Variants in SAP30BP observed in about 807,000 individuals in gnomAD.
SAP30BP encodes SAP30 binding protein.
Under a neutral mutation model 46.3 loss-of-function variants are expected in SAP30BP, and 31 were observed. That is an observed-to-expected ratio of 0.67 (90% CI 0.50 to 0.90). SAP30BP has a LOEUF of 0.90. Ranked by LOEUF, SAP30BP falls within the 40% of genes least tolerant of loss-of-function variation. SAP30BP has a pLI of 0.00. For missense variants in SAP30BP, 312 were observed against 391.0 expected, an observed-to-expected ratio of 0.80 and a Z score of 1.70; for synonymous variants, 169 against 144.2, an observed-to-expected ratio of 1.17 and a Z score of -1.23.
At chr17:75,697,604 G>T (rs1464471902) in intron 4 of SAP30BP, among the ~76,000 whole-genome samples, 1 of 152,166 alleles carries the variant, frequency 6.6e-6, no homozygotes, top group African/African-American at 2.4e-5. Context: ...ACCTAAAATG[G>T]CAGATTAGTG....
Position 75,702,418 on chromosome 17 carries a change from G to A in SAP30BP, c.397-62G>A, listed in dbSNP as rs923544233. 8.7e-6 allele frequency: 6 copies of A among 688,188 alleles called. No individual in the cohort carries two copies. The Middle Eastern group carries it at 8.9e-4, about 102-fold the overall frequency. The allele number at this position is 688,188 out of a possible 1,614,324, so 42.6% of individuals were successfully genotyped here. ...CACATGTAGCTGGTGACCAGGGGCT[G>A]GGACGGTGGAGGGGTGGGCTTCTGT... On this transcript the variant is annotated intron_variant, in intron 5 of 10. Coordinates refer to ENST00000584667, the MANE Select transcript of SAP30BP (RefSeq NM_013260.8).
At chr17:75,689,190 TCAG>T in intron 3 of SAP30BP, among the ~76,000 whole-genome samples, 1 of 150,564 alleles carries the variant, frequency 6.6e-6, no homozygotes. Context: ...TCTTGCTCTT[TCAG>T]GCTGGAGTGC....
At chr17:75,670,530 A>T (rs2059893241) in intron 2 of SAP30BP, among the ~76,000 whole-genome samples, 1 of 151,626 alleles carries the variant, frequency 6.6e-6, no homozygotes, top group Non-Finnish European at 1.5e-5. Flanking sequence ...TTTCTTTAGT[A>T]CGTTTGCATA....
intron 3 of SAP30BP, chr17:75,672,229 C>T (rs190140679): frequency 6.8e-5 from 16 of 233,668 alleles, no homozygotes; most frequent in South Asian, 3.2e-4. Context: ...GGCCGCCTCG[C>T]GTGCTTTGGG....
chr17:75,692,798 C>G (rs1285488196), intron 3 of SAP30BP: 1 of 152,346 alleles, frequency 6.6e-6, no homozygotes, highest in Non-Finnish European at 1.5e-5. Context: ...GAGCTGAGAG[C>G]CAGAGAGAGG....
chr17:75,697,143 C>T (rs545194973), intron 4 of SAP30BP, among the ~76,000 whole-genome samples: 7 of 152,204 alleles, frequency 4.6e-5, no homozygotes, highest in Non-Finnish European at 8.8e-5. Flanking sequence ...AACAGGGTCA[C>T]ACCCTGTTTT....
At chr17:75,701,513 C>T (rs545483363) in intron 5 of SAP30BP, among the ~76,000 whole-genome samples, 2 of 152,324 alleles carry the variant, frequency 1.3e-5, no homozygotes, top group South Asian at 2.1e-4. Flanking sequence ...GGTGGTTCTC[C>T]ACTCTCCCAT....
At chr17:75,695,511 C>T (rs1284433391) in intron 4 of SAP30BP, among the ~76,000 whole-genome samples, 2 of 152,186 alleles carry the variant, frequency 1.3e-5, no homozygotes, top group Non-Finnish European at 2.9e-5. Context: ...TTTACTGATT[C>T]ACCCATGAGG....
chr17:75,684,952 T>A (rs2060135032), intron 3 of SAP30BP, among the ~76,000 whole-genome samples: 2 of 152,282 alleles, frequency 1.3e-5, no homozygotes, highest in Middle Eastern at 3.4e-3. Context: ...GAAGTTGTGA[T>A]CTCATGCAAA....
intron 4 of SAP30BP, 99 bp from the exon 5 acceptor site, chr17:75,699,684 T>C (rs2060377543): frequency 1.3e-6 from 1 of 784,648 alleles, no homozygotes; most frequent in Non-Finnish European, 2.2e-6. Context: ...ATAGTGTTTA[T>C]CCCTACCTGA....
intron 3 of SAP30BP, among the ~76,000 whole-genome samples, chr17:75,679,182 G>A (rs937404416): frequency 3.9e-5 from 6 of 151,950 alleles, no homozygotes; most frequent in Admixed American, 2.0e-4. Context: ...ATTTTTAGTA[G>A]AGACAGGGTT....
At chr17:75,703,024 GCATGGC>G (rs1324124594) in intron 6 of SAP30BP, 1 of 474,994 alleles carries the variant, frequency 2.1e-6, no homozygotes, top group African/African-American at 1.9e-5. Flanking sequence ...AGGGAAAAGA[GCATGGC>G]CCTTGTGTGG....
At chr17:75,689,733 G>A (rs139878207) in intron 3 of SAP30BP, among the ~76,000 whole-genome samples, 68 of 152,332 alleles carry the variant, frequency 4.5e-4, no homozygotes, top group African/African-American at 1.5e-3. Flanking sequence ...CGCTGCTGGC[G>A]GGGAAGAGAT....
chr17:75,707,664 A>G lies in SAP30BP; in HGVS notation c.*1143A>G, dbSNP rs867047797. 2 of 151,662 alleles carry G rather than the reference A, an allele frequency of 1.3e-5. No individual in the cohort carries two copies. Among genetic ancestry groups the G allele is most frequent in the Middle Eastern group, 3.4e-3 (1 of 292 alleles). 9.4% of individuals were successfully genotyped at this position (151,662 alleles called of 1,614,324 possible). A position where few individuals can be genotyped will look rare whatever the true frequency, so the allele number is the denominator to read the frequency against. ...GGTTTCAAAAATAAAAATTGAGTCC[A>G]CTCTCCCCGTACACACACACTCGGG... is the stretch of plus-strand genomic sequence containing the variant. On this transcript the variant is annotated 3_prime_UTR_variant, in exon 11 of 11. Coordinates refer to ENST00000584667, the MANE Select transcript of SAP30BP (RefSeq NM_013260.8).
rs820230 is a variant in SAP30BP at position 75,706,237 on chromosome 17, A to G, written c.746-103A>G. On this transcript the variant is annotated intron_variant, in intron 10 of 10. Transcript: ENST00000584667. The surrounding 1 kb of genome is among the most constrained non-coding windows in gnomAD (Gnocchi z 4.6). ...GCACCTTTGGAGTCTGGGGTGGGCCACTTCGGGGTCTGCTCCCTAGACTCC... is the reference window on the plus strand; with the variant it reads ...GCACCTTTGGAGTCTGGGGTGGGCCGCTTCGGGGTCTGCTCCCTAGACTCC... 1,534,403 of 1,543,330 alleles carry G rather than the reference A, an allele frequency of 0.99. 763,185 individuals are homozygous for G. Among genetic ancestry groups the G allele is most frequent in the East Asian group, 1 (44,371 of 44,372 alleles).
chr17:75,702,372 T>C, intron 5 of SAP30BP, 108 bp from the exon 6 acceptor site: 1 of 546,372 alleles, frequency 1.8e-6, no homozygotes, highest in South Asian at 2.8e-5. Flanking sequence ...TTTGCCTGAC[T>C]GGAGCCTCAT....
intron 4 of SAP30BP, among the ~76,000 whole-genome samples, chr17:75,696,596 A>C (rs76090353): frequency 0.026 from 3,957 of 151,702 alleles, 80 homozygotes; most frequent in Admixed American, 0.04. Flanking sequence ...CAAGTCTTCC[A>C]CATTAGATTC....
chr17:75,701,721 C>T (rs896490521), intron 5 of SAP30BP, among the ~76,000 whole-genome samples: 1 of 152,238 alleles, frequency 6.6e-6, no homozygotes, highest in Non-Finnish European at 1.5e-5. Context: ...TCCGAAGTCT[C>T]CTGTGGCTCA....
intron 4 of SAP30BP, among the ~76,000 whole-genome samples, chr17:75,699,383 G>A (rs2060371485): frequency 6.6e-6 from 1 of 152,016 alleles, no homozygotes; most frequent in Admixed American, 6.6e-5. Flanking sequence ...GTAGAGACGG[G>A]GTTTCGCCAT....
Sources: allele counts gnomAD v4.1 joint callset (sites outside exome capture counted in the v4.1 genomes callset), GRCh38; gene constraint gnomAD v4.1.1; non-coding constraint Gnocchi (gnomAD v3.1); transcripts MANE v1.5; gene names NCBI Gene and HGNC (gene_info 2026-07-23, HGNC 2026-07-21).